The following STIMATE variants were observed in gnomAD, a reference collection of about 807,000 sequenced individuals.
STIMATE encodes store-operated calcium entry regulator STIMATE.
Under a neutral mutation model 36.7 loss-of-function variants are expected in STIMATE, and 15 were observed. That is an observed-to-expected ratio of 0.41 (90% CI 0.27 to 0.63). The LOEUF is 0.63. STIMATE is among the 20% of genes least tolerant of loss of function. The pLI is 0.32. For missense variants in STIMATE, 305 were observed against 397.3 expected, an observed-to-expected ratio of 0.77 and a Z score of 1.98; for synonymous variants, 163 against 162.3, an observed-to-expected ratio of 1.00 and a Z score of -0.03.
chr3:52,875,035 G>A (rs1342083649), intron 1 of STIMATE, among the ~76,000 whole-genome samples: 2 of 152,158 alleles, frequency 1.3e-5, no homozygotes, highest in African/African-American at 2.4e-5. Context: ...CGCCACTTTA[G>A]TCTGCAACTG....
chr3:52,847,559 CAA>C lies in STIMATE; in HGVS notation c.427+2231_427+2232del, dbSNP rs1467371449. 5 of 1,289,554 alleles carry C rather than the reference CAA, an allele frequency of 3.9e-6. No homozygotes were observed. The African/African-American group carries it at 7.6e-5, about 20-fold the overall frequency. The allele number at this position is 1,289,554 out of a possible 1,614,324, so 79.9% of individuals were successfully genotyped here. On this transcript the variant is annotated intron_variant, in intron 4 of 7. Coordinates refer to ENST00000355083, the MANE Select transcript of STIMATE (RefSeq NM_198563.5). ...AACTCTTGGCCTTCTCTTCTAGGAA[CAA>C]AAGACACATCCTAGAAAAATAAGCC... is the stretch of plus-strand genomic sequence containing the variant.
chr3:52,858,002 G>A (rs926182187), intron 1 of STIMATE, among the ~76,000 whole-genome samples: 1 of 152,176 alleles, frequency 6.6e-6, no homozygotes, highest in Non-Finnish European at 1.5e-5. Context: ...AGTGCAGCAA[G>A]AAAAGACCAT....
intron 7 of STIMATE, 60 bp from the exon 8 acceptor site, chr3:52,840,670 T>C (rs2106644210): frequency 1.4e-6 from 2 of 1,423,392 alleles, no homozygotes. Context: ...TCATTTGCCC[T>C]CCCTGGACCC....
intron 7 of STIMATE, 148 bp from the exon 8 acceptor site, chr3:52,840,758 G>A (rs1223243797): frequency 8.3e-6 from 6 of 719,416 alleles, no homozygotes; most frequent in Non-Finnish European, 1.3e-5. Context: ...AGAGTGCAAT[G>A]GCACGATCTC....
chr3:52,850,817 C>T (rs1281038719), intron 3 of STIMATE, among the ~76,000 whole-genome samples: 1 of 152,222 alleles, frequency 6.6e-6, no homozygotes, highest in Non-Finnish European at 1.5e-5. Flanking sequence ...CAGCTTCCGC[C>T]TCCTGGGTTC....
chr3:52,887,216 T>C (rs954509580), intron 1 of STIMATE, among the ~76,000 whole-genome samples: 1 of 152,234 alleles, frequency 6.6e-6, no homozygotes, highest in Non-Finnish European at 1.5e-5. Context: ...CCTGTGTCCT[T>C]AGAAAATGCA....
intron 7 of STIMATE, among the ~76,000 whole-genome samples, chr3:52,841,410 T>G (rs547578969): frequency 1.3e-5 from 2 of 152,220 alleles, no homozygotes; most frequent in Non-Finnish European, 2.9e-5. Context: ...CAGCGGCACT[T>G]TGCTGTTCTA....
chr3:52,892,391 C>G (rs539457682), intron 1 of STIMATE, among the ~76,000 whole-genome samples: 81 of 152,252 alleles, frequency 5.3e-4, no homozygotes, highest in Non-Finnish European at 9.4e-4. Flanking sequence ...TTTAGAAAAC[C>G]TGAAAACTTT....
rs1378021144 is a variant in STIMATE at position 52,840,371 on chromosome 3, G to A, written c.*123C>T. Reference sequence around the variant, plus strand: ...CTGGGGGCAGGCGAGAGCGGGCAGAGACAGCAAGAGGAGCAGAGGTAGAAA... The same window carrying A: ...CTGGGGGCAGGCGAGAGCGGGCAGAAACAGCAAGAGGAGCAGAGGTAGAAA... On this transcript the variant is annotated 3_prime_UTR_variant, in exon 8 of 8. Coordinates refer to ENST00000355083, the MANE Select transcript of STIMATE (RefSeq NM_198563.5). 3 of 1,145,882 alleles carry A rather than the reference G, an allele frequency of 2.6e-6. No homozygotes were observed. Among genetic ancestry groups the A allele is most frequent in the East Asian group, 2.4e-5 (1 of 40,968 alleles). 71.0% of individuals were successfully genotyped at this position (1,145,882 alleles called of 1,614,324 possible).
intron 1 of STIMATE, among the ~76,000 whole-genome samples, chr3:52,893,062 T>C (rs903692247): frequency 1.4e-5 from 2 of 140,178 alleles, no homozygotes; most frequent in African/African-American, 5.4e-5. Context: ...AAAAAAAAAG[T>C]GTGCATGTAT....
At chr3:52,858,867 C>G (rs17052574) in intron 1 of STIMATE, among the ~76,000 whole-genome samples, 1 of 151,922 alleles carries the variant, frequency 6.6e-6, no homozygotes. Flanking sequence ...TTGCTAAAAA[C>G]GACAAGGTAG....
chr3:52,846,439 C>T (rs1374669037), intron 4 of STIMATE: 1 of 152,190 alleles, frequency 6.6e-6, no homozygotes, highest in African/African-American at 2.4e-5. Flanking sequence ...GGACAGAAAG[C>T]GCCACTAGGA....
intron 1 of STIMATE, among the ~76,000 whole-genome samples, chr3:52,890,444 T>C (rs543262975): frequency 2.6e-5 from 4 of 152,366 alleles, no homozygotes; most frequent in South Asian, 4.1e-4. Context: ...CAGGGGGCAG[T>C]TGGCAATGTC....
intron 1 of STIMATE, among the ~76,000 whole-genome samples, chr3:52,872,578 C>T (rs535368129): frequency 1.3e-5 from 2 of 152,336 alleles, no homozygotes; most frequent in East Asian, 1.9e-4. Context: ...TGAACTGGCT[C>T]GGCAAAGACT....
At chr3:52,861,252 A>G (rs1251425009) in intron 1 of STIMATE, among the ~76,000 whole-genome samples, 1 of 152,198 alleles carries the variant, frequency 6.6e-6, no homozygotes, top group Non-Finnish European at 1.5e-5. Context: ...CTGAACAGAG[A>G]GAGGGGAGAA....
intron 1 of STIMATE, among the ~76,000 whole-genome samples, chr3:52,881,109 C>T (rs1463826527): frequency 6.6e-6 from 1 of 151,678 alleles, no homozygotes; most frequent in African/African-American, 2.4e-5. Context: ...ATCACTTGAA[C>T]CCAGGAGGCA....
At chr3:52,840,693 G>C in intron 7 of STIMATE, 83 bp from the exon 8 acceptor site, 2 of 1,117,638 alleles carry the variant, frequency 1.8e-6, no homozygotes, top group Non-Finnish European at 2.5e-6. Flanking sequence ...GGCCCTTCAA[G>C]TCTCATGTTT....
intron 1 of STIMATE, among the ~76,000 whole-genome samples, chr3:52,880,766 A>C (rs1468377827): frequency 6.6e-6 from 1 of 152,230 alleles, no homozygotes; most frequent in African/African-American, 2.4e-5. Context: ...TGGCTGTTTC[A>C]ATATTAGCTT....
chr3:52,863,337 AGG>A (rs1289355368), intron 1 of STIMATE, among the ~76,000 whole-genome samples: 1 of 152,214 alleles, frequency 6.6e-6, no homozygotes, highest in Non-Finnish European at 1.5e-5. Context: ...AGAGAAAATG[AGG>A]AAGATGAAAA....
Sources: gnomAD v4.1 joint callset for allele counts (sites outside exome capture counted in the v4.1 genomes callset) on GRCh38, gnomAD v4.1.1 for gene constraint, MANE v1.5 for transcripts, NCBI Gene and HGNC (gene_info 2026-07-23, HGNC 2026-07-21) for gene names.